FARS2: variants seen among roughly 807,000 people sequenced by gnomAD.
FARS2 encodes phenylalanine--tRNA ligase, mitochondrial.
In FARS2, 40 loss-of-function variants were observed where a neutral mutation model predicts 46.4. The ratio of observed to expected loss-of-function variants is 0.86; its 90% CI spans 0.67 to 1.12. FARS2 has a LOEUF of 1.12. Among genes scored for constraint, FARS2 ranks in the 50% most tolerant of loss-of-function variants. The pLI is 0.00. For missense variants in FARS2, 513 were observed against 567.9 expected (o/e 0.90, Z 0.98); for synonymous variants, 234 against 214.9 (o/e 1.09, Z -0.78).
At chr6:5,552,118 G>A (rs1353650401) in intron 5 of FARS2, among the ~76,000 whole-genome samples, 1 of 152,044 alleles carries the variant, frequency 6.6e-6, no homozygotes, top group Non-Finnish European at 1.5e-5. Context: ...TAATAGAGTG[G>A]TTTGTCTTTA....
intron 6 of FARS2, among the ~76,000 whole-genome samples, chr6:5,700,789 T>C (rs1156244498): frequency 1.3e-5 from 2 of 152,152 alleles, no homozygotes; most frequent in African/African-American, 4.8e-5. Flanking sequence ...TTGACCTCTT[T>C]ATTACCTTTC....
chr6:5,268,386 G>C (rs908416086), intron 1 of FARS2, among the ~76,000 whole-genome samples: 1 of 152,178 alleles, frequency 6.6e-6, no homozygotes, highest in Non-Finnish European at 1.5e-5. Context: ...TTTGTATAAG[G>C]TGTAAGGAAG....
Position 5,431,083 on chromosome 6 carries a change from ATCCT to A in FARS2, c.821_824del (p.Ser274LeufsTer19). 6.2e-7 allele frequency: 1 copy of A among 1,613,926 alleles called. No individual in the cohort carries two copies. Among genetic ancestry groups the A allele is most frequent in the Non-Finnish European group, 8.5e-7 (1 of 1,179,858 alleles). ...GTAGACTGCTACTTCCCTTTTACAC[ATCCT>A]TCCTTTGAGATGGAGATCAACTTTC... On this transcript the variant is annotated frameshift_variant, in exon 4 of 7. Transcript: ENST00000274680. LOFTEE classifies it high-confidence loss of function.
intron 6 of FARS2, among the ~76,000 whole-genome samples, chr6:5,621,853 A>G (rs1421962050): frequency 4.6e-5 from 7 of 152,234 alleles, no homozygotes; most frequent in Admixed American, 4.6e-4. Flanking sequence ...TAAGGGCCAG[A>G]GACCCTCAGC....
chr6:5,453,520 T>C (rs1764632320), intron 4 of FARS2, among the ~76,000 whole-genome samples: 1 of 152,254 alleles, frequency 6.6e-6, no homozygotes, highest in South Asian at 2.1e-4. Flanking sequence ...TTCCAAACAG[T>C]TGAATTTCAA....
intron 1 of FARS2, among the ~76,000 whole-genome samples, chr6:5,340,213 C>A (rs990348068): frequency 2.0e-5 from 3 of 152,192 alleles, no homozygotes; most frequent in African/African-American, 7.2e-5. Context: ...AAGGTAGCAA[C>A]TAGTCACCTG....
At chr6:5,697,543 C>CGAA (rs1758178240) in intron 6 of FARS2, among the ~76,000 whole-genome samples, 1 of 152,174 alleles carries the variant, frequency 6.6e-6, no homozygotes, top group African/African-American at 2.4e-5. Flanking sequence ...CAATGCAATA[C>CGAA]TCTTTCCACT....
At chr6:5,609,326 G>C in intron 5 of FARS2, 4 of 1,157,220 alleles carry the variant, frequency 3.5e-6, no homozygotes, top group Non-Finnish European at 5.2e-6. Flanking sequence ...TACCACCATA[G>C]GGACCAGAGC....
At position 5,371,835 on chromosome 6, in the gene FARS2, A is replaced by G. The variant is rs148398871; in HGVS notation, c.612+2653A>G. 3.8e-3 allele frequency among the ~76,000 whole-genome samples: 579 copies of G among 152,260 alleles called. 2 individuals carry two copies. Among genetic ancestry groups the G allele is most frequent in the South Asian group, 7.2e-3 (35 of 4,830 alleles). ...GAAACCCCAAATTAAGGATGTAGAT[A>G]TAAGTCCAAATACATCAGTATTCAT... On this transcript the variant is annotated intron_variant, in intron 2 of 6. Transcript: ENST00000274680.
chr6:5,375,725 T>C (rs1482115926), intron 2 of FARS2, among the ~76,000 whole-genome samples: 1 of 152,048 alleles, frequency 6.6e-6, no homozygotes, highest in Non-Finnish European at 1.5e-5. Flanking sequence ...ATCACATAAG[T>C]GGGAGGTGAT....
intron 6 of FARS2, among the ~76,000 whole-genome samples, chr6:5,675,555 G>A (rs1197542309): frequency 6.6e-6 from 1 of 152,180 alleles, no homozygotes; most frequent in Non-Finnish European, 1.5e-5. Flanking sequence ...AAAGAGTCCT[G>A]TTCAGCTAGG....
At chr6:5,449,352 C>CAAAAAAAAAAAAAAAAA (rs5873985) in intron 4 of FARS2, among the ~76,000 whole-genome samples, 1 of 120,818 alleles carries the variant, frequency 8.3e-6, no homozygotes, top group African/African-American at 3.2e-5. Flanking sequence ...GACTCCATCT[C>CAAAAAAAAAAAAAAAAA]AAAAAAAAAA....
intron 6 of FARS2, among the ~76,000 whole-genome samples, chr6:5,716,084 G>A (rs1201970506): frequency 6.6e-6 from 1 of 152,058 alleles, no homozygotes. Flanking sequence ...AGTTTTTCAT[G>A]TGCTTATTTT....
intron 1 of FARS2, among the ~76,000 whole-genome samples, chr6:5,302,410 T>A (rs1395654065): frequency 6.6e-6 from 1 of 152,158 alleles, no homozygotes; most frequent in Non-Finnish European, 1.5e-5. Context: ...GTCGCAAAGC[T>A]GCTTGGGTTA....
intron 5 of FARS2, among the ~76,000 whole-genome samples, chr6:5,597,890 T>G (rs533743534): frequency 6.6e-6 from 1 of 152,318 alleles, no homozygotes; most frequent in South Asian, 2.1e-4. Flanking sequence ...TTAATTTTCT[T>G]TTTTATCTAG....
At chr6:5,432,529 T>A (rs77401147) in intron 4 of FARS2, among the ~76,000 whole-genome samples, 289 of 11,390 alleles carry the variant, frequency 0.025, 2 homozygotes, top group East Asian at 0.19. Flanking sequence ...ATATATATAT[T>A]TTTTTTTTTC....
chr6:5,679,785 T>G (rs1294407803), intron 6 of FARS2, among the ~76,000 whole-genome samples: 3 of 151,874 alleles, frequency 2.0e-5, no homozygotes, highest in African/African-American at 7.3e-5. Flanking sequence ...TTTTCCTGAG[T>G]GCCTGGTCCT....
chr6:5,511,237 A>G (rs527747581), intron 4 of FARS2, among the ~76,000 whole-genome samples: 13 of 152,302 alleles, frequency 8.5e-5, no homozygotes, highest in Non-Finnish European at 1.8e-4. Flanking sequence ...GGATCTTGCA[A>G]TTTTCCTGCA....
At chr6:5,319,198 C>T (rs1043902488) in intron 1 of FARS2, among the ~76,000 whole-genome samples, 8 of 152,070 alleles carry the variant, frequency 5.3e-5, no homozygotes, top group African/African-American at 9.7e-5. Context: ...TGGTCACTAC[C>T]AGTGCCAGGG....
Sources: gnomAD v4.1 joint callset for allele counts (sites outside exome capture counted in the v4.1 genomes callset) on GRCh38, gnomAD v4.1.1 for gene constraint, MANE v1.5 for transcripts, NCBI Gene and HGNC (gene_info 2026-07-23, HGNC 2026-07-21) for gene names.